The following MPPE1 variants were observed in gnomAD, a reference collection of about 807,000 sequenced individuals.
The protein encoded by MPPE1 is metallophosphoesterase 1, also known as metallo phosphoesterase.
In MPPE1, 28 loss-of-function variants were observed where a neutral mutation model predicts 43.8. The ratio of observed to expected loss-of-function variants is 0.64; its 90% CI spans 0.47 to 0.88. The LOEUF (loss-of-function observed/expected upper bound fraction) is 0.88, where lower values mean the gene tolerates loss of function less well. MPPE1 is among the 40% of genes least tolerant of loss of function. MPPE1 has a pLI of 0.00. For missense variants in MPPE1, 428 were observed against 492.2 expected, an observed-to-expected ratio of 0.87 and a Z score of 1.23; for synonymous variants, 159 against 188.5, an observed-to-expected ratio of 0.84 and a Z score of 1.28.
chr18:11,904,371 G>A (rs1431988771), intron 2 of MPPE1, among the ~76,000 whole-genome samples: 2 of 151,296 alleles, frequency 1.3e-5, no homozygotes, highest in East Asian at 3.9e-4. Context: ...CTGGAGTACA[G>A]TAGTGTGATC....
At chr18:11,900,706 G>T (rs978667413) in intron 2 of MPPE1, among the ~76,000 whole-genome samples, 3 of 151,876 alleles carry the variant, frequency 2.0e-5, no homozygotes, top group Non-Finnish European at 4.4e-5. Context: ...AGGAGATCGA[G>T]ACCATCCTGG....
chr18:11,886,735 G>T lies in MPPE1; in HGVS notation c.722C>A (p.Thr241Lys). ...SRCGPGPLLP[T>K]SAPVLLQHYP... ...CACCTGCAGGAGGACAGGGGCAGAC[G>T]TGGGCAGCAGAGGCCCAGGTCCACA... The change falls in exon 8 of 11, where the codon ACG becomes AAG. Residue 241 changes from threonine to lysine, a missense_variant. Thr to Lys is a moderately conservative substitution (Grantham distance 78). Transcript: ENST00000588072. The surrounding 1 kb of genome is among the most constrained non-coding windows in gnomAD (Gnocchi z 4.1). 6.2e-7 allele frequency: 1 copy of T among 1,613,522 alleles called. No homozygotes were observed. Among genetic ancestry groups the T allele is most frequent in the Middle Eastern group, 1.7e-4 (1 of 6,052 alleles).
Position 11,883,553 on chromosome 18 carries a change from A to T in MPPE1, c.*892T>A, listed in dbSNP as rs2036774413. The T allele has an allele frequency of 6.5e-6, 1 of 153,662 alleles. No homozygotes were observed. The highest frequency in any genetic ancestry group is 2.4e-5 in the African/African-American group (1 of 41,464). The allele number at this position is 153,662 out of a possible 1,614,324, so 9.5% of individuals were successfully genotyped here. ...CATTCCACTTTTTAAGTTTCTTTTG[A>T]TCACTGACAGGCATTAACAGATGTA... On this transcript the variant is annotated 3_prime_UTR_variant, in exon 11 of 11. Transcript: ENST00000588072.
In MPPE1 at chr18:11,883,162, A is replaced by G. The variant is rs957650198; in HGVS notation, c.*1283T>C. ...TTAAATGCTACTTTTTCATGAAGAA[A>G]GGATAACTTTATAGACAGTCAGTGC... is the stretch of plus-strand genomic sequence containing the variant. On this transcript the variant is annotated 3_prime_UTR_variant, in exon 11 of 11. Transcript: ENST00000588072. 7.4e-6 allele frequency: 1 copy of G among 134,660 alleles called. No individual in the cohort carries two copies. Among genetic ancestry groups the G allele is most frequent in the Non-Finnish European group, 1.5e-5 (1 of 66,406 alleles). 8.3% of individuals were successfully genotyped at this position (134,660 alleles called of 1,614,324 possible). A position where few individuals can be genotyped will look rare whatever the true frequency, so the allele number is the denominator to read the frequency against.
At position 11,886,673 on chromosome 18, in the gene MPPE1, G is replaced by T; in HGVS notation, c.744+40C>A. 6.2e-7 allele frequency: 1 copy of T among 1,614,036 alleles called. No individual in the cohort carries two copies. The highest frequency in any genetic ancestry group is 8.5e-7 in the Non-Finnish European group (1 of 1,180,030). On this transcript the variant is annotated intron_variant, in intron 8 of 10. Coordinates refer to ENST00000588072, the MANE Select transcript of MPPE1 (RefSeq NM_023075.6). The surrounding 1 kb of genome is among the most constrained non-coding windows in gnomAD (Gnocchi z 4.1). Reference sequence around the variant, plus strand: ...GGCGGCTATCGTGAAACCACAGGCTGCCTGCTGTCTGCCATGAGCCCTTTC... The same window carrying T: ...GGCGGCTATCGTGAAACCACAGGCTTCCTGCTGTCTGCCATGAGCCCTTTC...
chr18:11,884,546 C>T lies in MPPE1; in HGVS notation c.1090G>A (p.Val364Met). 1 of 1,614,108 alleles carries T rather than the reference C, an allele frequency of 6.2e-7. No homozygotes were observed. Among genetic ancestry groups the T allele is most frequent in the African/African-American group, 1.3e-5 (1 of 75,068 alleles). ...EDVVLIIYCGVVGFLVVLTLT... is the reference protein window; with the variant it reads ...EDVVLIIYCGMVGFLVVLTLT... ...GTGAGGACCACAAGGAAGCCCACCACTCCACAGTAGATGATCAAAACCACA... is the reference window on the plus strand; with the variant it reads ...GTGAGGACCACAAGGAAGCCCACCATTCCACAGTAGATGATCAAAACCACA... Residue 364 changes from valine (V) to methionine (M), a missense_variant, in exon 11 of 11, where the codon GTG (valine) becomes ATG (methionine). Transcript: ENST00000588072.
chr18:11,885,740 C>T lies in MPPE1; in HGVS notation c.944G>A (p.Arg315Gln), dbSNP rs576465695. The change falls in exon 10 of 11, where the codon CGA becomes CAA. Residue 315 changes from arginine to glutamine, a missense_variant. Physicochemically the swap from Arg to Gln is conservative, Grantham distance 43. Around this residue, in one of 3 missense-constraint regions of MPPE1, gnomAD observed 379 missense variants for 402.5 expected, o/e 0.94. Transcript: ENST00000588072. ...HSACEVHHGG[R>Q]VPELSVPSFS... ...AGATGGGACGCTGAGCTCGGGGACTCGGCCCCCGTGGTGCACCTCGCAGGC... is the reference window on the plus strand; with the variant it reads ...AGATGGGACGCTGAGCTCGGGGACTTGGCCCCCGTGGTGCACCTCGCAGGC... The T allele has an allele frequency of 1.4e-5, 22 of 1,614,042 alleles. No homozygotes were observed. In the African/African-American group the frequency reaches 1.6e-4, roughly 12 times the overall value.
intron 3 of MPPE1, among the ~76,000 whole-genome samples, chr18:11,894,647 A>G (rs976017837): frequency 1.3e-5 from 2 of 151,990 alleles, no homozygotes; most frequent in African/African-American, 4.8e-5. Context: ...CTGGAGTACA[A>G]TGGTGTGATC....
chr18:11,906,787 G>C (rs2039758653), intron 1 of MPPE1, among the ~76,000 whole-genome samples: 1 of 150,558 alleles, frequency 6.6e-6, no homozygotes, highest in Admixed American at 6.7e-5. Flanking sequence ...GCGGGAGGCG[G>C]AGGTTGTAGT....
chr18:11,904,321 TTA>T (rs759285578), intron 2 of MPPE1, among the ~76,000 whole-genome samples: 9,439 of 151,766 alleles, frequency 0.062, 452 homozygotes, highest in South Asian at 0.15. Context: ...ATTTATTTAT[TTA>T]TTTTTTTTTG....
At chr18:11,900,817 G>A (rs1002367934) in intron 2 of MPPE1, among the ~76,000 whole-genome samples, 1 of 151,500 alleles carries the variant, frequency 6.6e-6, no homozygotes, top group African/African-American at 2.4e-5. Context: ...TGAGGCAGGA[G>A]AATGGCGTGA....
rs369484872 is a variant in MPPE1 at position 11,884,536 on chromosome 18, A to G, written c.1100T>C (p.Phe367Ser). Residue 367 changes from phenylalanine (F) to serine (S), a missense_variant, in exon 11 of 11, where the codon TTC (phenylalanine) becomes TCC (serine). Physicochemically the swap from Phe to Ser is radical, Grantham distance 155. Transcript: ENST00000588072. ...VLIIYCGVVG[F>S]LVVLTLTHFG... ...GTGAGTGAGTGTGAGGACCACAAGGAAGCCCACCACTCCACAGTAGATGAT... is the reference window on the plus strand; with the variant it reads ...GTGAGTGAGTGTGAGGACCACAAGGGAGCCCACCACTCCACAGTAGATGAT... 1.2e-6 allele frequency: 2 copies of G among 1,614,108 alleles called. No individual in the cohort carries two copies. Among genetic ancestry groups the G allele is most frequent in the African/African-American group, 2.7e-5 (2 of 75,064 alleles).
rs141845399 is a variant in MPPE1 at position 11,890,817 on chromosome 18, C to T, written c.391-1327G>A. Among the ~76,000 whole-genome samples the T allele has an allele frequency of 2.8e-3, 425 of 152,220 alleles. 8 individuals are homozygous for T. Among genetic ancestry groups the T allele is most frequent in the Non-Finnish European group, 3.8e-4 (26 of 68,010 alleles). On this transcript the variant is annotated intron_variant, in intron 4 of 10. Transcript: ENST00000588072. ...AGTTCTTCATGTGTCTCAACTAAGA[C>T]AAGGATGAGAACATCTTTAAAGGTG...
chr18:11,903,877 T>TTCCAAATGTACTTTTCTTTCTTTCCTGC (rs1249770029), intron 2 of MPPE1, among the ~76,000 whole-genome samples: 217 of 152,354 alleles, frequency 1.4e-3, no homozygotes, highest in African/African-American at 5.0e-3. Context: ...CTTGGGTCTC[T>TTCCAAATGTACTTTTCTTTCTTTCCTGC]TCCAAATGTA....
intron 2 of MPPE1, among the ~76,000 whole-genome samples, chr18:11,901,676 A>G (rs2039221396): frequency 6.6e-6 from 1 of 151,920 alleles, no homozygotes; most frequent in Non-Finnish European, 1.5e-5. Context: ...CCTCATCTCC[A>G]CTAAATACAA....
rs149531160 is a variant in MPPE1, at chr18:11,886,962, T to G, written c.633A>C (p.Glu211Asp). ...GDGCGICSET[E>D]AELIEVSHRL... ...TGTGAGAAACTTCAATGAGCTCTGC[T>G]TCTGTTTCAGAGCAGATGCCACAGC... The change falls in exon 7 of 11, where the codon GAA becomes GAC. Residue 211 changes from glutamate (E) to aspartate (D), a missense_variant. Around this residue, in one of 3 missense-constraint regions of MPPE1, gnomAD observed 379 missense variants for 402.5 expected, o/e 0.94. Transcript: ENST00000588072. This position sits in a 1 kb window ranked among gnomAD's most constrained non-coding sequence, Gnocchi z 4.1. The G allele has an allele frequency of 1.3e-5, 21 of 1,613,786 alleles. No homozygotes were observed. In the African/African-American group the frequency reaches 2.8e-4, roughly 22 times the overall value.
At chr18:11,901,859 G>A (rs904752436) in intron 2 of MPPE1, among the ~76,000 whole-genome samples, 2 of 152,030 alleles carry the variant, frequency 1.3e-5, no homozygotes, top group Non-Finnish European at 2.9e-5. Flanking sequence ...AATAAAGGGG[G>A]AACGGCAAAC....
At chr18:11,900,243 G>A (rs1370692936) in intron 2 of MPPE1, among the ~76,000 whole-genome samples, 1 of 152,168 alleles carries the variant, frequency 6.6e-6, no homozygotes, top group African/African-American at 2.4e-5. Context: ...CTACTCAGGA[G>A]GCTGAGGGCA....
At chr18:11,903,617 T>C (rs1382704122) in intron 2 of MPPE1, among the ~76,000 whole-genome samples, 3 of 152,066 alleles carry the variant, frequency 2.0e-5, no homozygotes, top group Admixed American at 6.6e-5. Context: ...CCATCCTGGC[T>C]AACACAGTGA....
Sources: allele counts gnomAD v4.1 joint callset (sites outside exome capture counted in the v4.1 genomes callset), GRCh38; gene constraint gnomAD v4.1.1; regional missense constraint gnomAD v4.1.1; non-coding constraint Gnocchi (gnomAD v3.1); transcripts MANE v1.5; gene names NCBI Gene and HGNC (gene_info 2026-07-23, HGNC 2026-07-21).